Variants in GGT1 observed in about 807,000 individuals in gnomAD.
The protein encoded by GGT1 is gamma-glutamyltransferase 1.
A neutral mutation model predicts 56.0 loss-of-function variants in GGT1; 21 were observed. The ratio of observed to expected loss-of-function variants is 0.38; its 90% confidence interval spans 0.27 to 0.54. The LOEUF (loss-of-function observed/expected upper bound fraction) is 0.54. Among genes scored for constraint, GGT1 ranks in the 20% least tolerant of loss-of-function variants. GGT1 has a pLI of 0.82. For synonymous variants in GGT1, 238 were observed against 342.6 expected, an observed-to-expected ratio of 0.69 and a Z score of 3.37; for missense variants, 466 against 787.0, an observed-to-expected ratio of 0.59 and a Z score of 4.88.
At chr22:24,585,846 G>A in the GGT1 span, 2 of 1,505,784 alleles carry the variant, frequency 1.3e-6, no homozygotes, top group Non-Finnish European at 8.9e-7. Context: ...GTGCTTGAGA[G>A]CATCACAAGT....
At chr22:24,596,771 G>T (rs2045699192) in intron 1 of GGT1, among the ~76,000 whole-genome samples, 2 of 147,662 alleles carry the variant, frequency 1.4e-5, no homozygotes, top group South Asian at 4.3e-4. Context: ...AAATTAGCCT[G>T]GTGTGGTGAC....
intron 11 of GGT1, among the ~76,000 whole-genome samples, chr22:24,626,325 T>A (rs1186162992): frequency 6.1e-4 from 68 of 110,766 alleles, no homozygotes; most frequent in East Asian, 1.6e-3. Context: ...TGAAACTCCC[T>A]TGAGGCATTT....
intron 7 of GGT1, among the ~76,000 whole-genome samples, 172 bp downstream of exon 7, chr22:24,615,299 C>T (rs1405575081): frequency 6.6e-6 from 1 of 152,174 alleles, no homozygotes; most frequent in African/African-American, 2.4e-5. Context: ...ACCATCATCA[C>T]CATGGTAAAG....
At chr22:24,627,773 T>C in intron 12 of GGT1, 79 bp from the exon 13 acceptor site, 1 of 1,557,386 alleles carries the variant, frequency 6.4e-7, no homozygotes. Context: ...TCAGTGAGTA[T>C]GTTTGAGCCT....
At chr22:24,605,923 T>TA (rs2046233731) in intron 1 of GGT1, among the ~76,000 whole-genome samples, 1 of 92,732 alleles carries the variant, frequency 1.1e-5, no homozygotes, top group Non-Finnish European at 1.9e-5. Context: ...ATGATGTGTA[T>TA]TATATATTAT....
At chr22:24,584,783 TC>T in the GGT1 span, among the ~76,000 whole-genome samples, 9 of 151,604 alleles carry the variant, frequency 5.9e-5, no homozygotes, top group African/African-American at 2.2e-4. Context: ...GGCCTCAGTA[TC>T]CCCCCGGACA....
chr22:24,599,365 A>AT (rs2147196112), upstream of GGT1: 1 of 135,982 alleles, frequency 7.4e-6, no homozygotes, highest in Non-Finnish European at 1.6e-5. Context: ...GCCCCACTCC[A>AT]AAAAAAAAAA....
intron 11 of GGT1, chr22:24,627,203 G>A: frequency 8.2e-7 from 1 of 1,218,296 alleles, no homozygotes; most frequent in South Asian, 1.6e-5. Flanking sequence ...AGGGTCTGGA[G>A]GCTGAGGACC....
At chr22:24,614,266 T>C (rs2046893986) in intron 5 of GGT1, among the ~76,000 whole-genome samples, 1 of 145,518 alleles carries the variant, frequency 6.9e-6, no homozygotes, top group African/African-American at 2.6e-5. Context: ...GGAGGGTCAA[T>C]TGAGCCCAGG....
chr22:24,585,219 G>A, the GGT1 span, among the ~76,000 whole-genome samples: 2 of 152,160 alleles, frequency 1.3e-5, no homozygotes, highest in African/African-American at 4.8e-5. Context: ...TCACTTAGTC[G>A]GCTGTGGCCC....
intron 9 of GGT1, among the ~76,000 whole-genome samples, chr22:24,622,599 A>C (rs992867225): frequency 1.3e-5 from 2 of 152,028 alleles, no homozygotes; most frequent in Non-Finnish European, 2.9e-5. Context: ...CACAACAAAA[A>C]AATTAAAATT....
chr22:24,616,885 A>C (rs534707362), intron 7 of GGT1, among the ~76,000 whole-genome samples: 18 of 152,188 alleles, frequency 1.2e-4, no homozygotes, highest in Non-Finnish European at 1.6e-4. Context: ...GAAACTCAGC[A>C]TTTGTAGACA....
chr22:24,592,730 G>C (rs1173587912), upstream of GGT1: 26 of 1,298,080 alleles, frequency 2.0e-5, no homozygotes, highest in Non-Finnish European at 2.4e-5. Flanking sequence ...CCGCCTGCGC[G>C]CGCCAGAGAC....
In GGT1 at chr22:24,607,949, C is replaced by T; in HGVS notation, c.-428-5C>T. On this transcript the variant is annotated splice_polypyrimidine_tract_variant and splice_region_variant and intron_variant, in intron 1 of 15. Coordinates refer to ENST00000400382, the MANE Select transcript of GGT1 (RefSeq NM_001288833.2). Reference sequence around the variant, plus strand: ...AGGCAGACAAGTCTGTCTCTTCCTCCCCAGCGGGTGCAGCCCAGAACTGTC... The same window carrying T: ...AGGCAGACAAGTCTGTCTCTTCCTCTCCAGCGGGTGCAGCCCAGAACTGTC... 2.1e-6 allele frequency: 1 copy of T among 468,206 alleles called. No homozygotes were observed. The highest frequency in any genetic ancestry group is 1.6e-5 in the South Asian group (1 of 64,334). The allele number at this position is 468,206 out of a possible 1,614,324, so 29.0% of individuals were successfully genotyped here.
chr22:24,614,416 G>T (rs1488132053), intron 5 of GGT1, among the ~76,000 whole-genome samples: 1 of 133,054 alleles, frequency 7.5e-6, no homozygotes, highest in Non-Finnish European at 1.6e-5. Flanking sequence ...AAGAGATAGA[G>T]ACCAGCCTGG....
chr22:24,595,241 A>G (rs2045672574), intron 1 of GGT1, among the ~76,000 whole-genome samples: 1 of 152,036 alleles, frequency 6.6e-6, no homozygotes, highest in South Asian at 2.1e-4. Flanking sequence ...CTGGGCCTAG[A>G]TCCTTGGATG....
At chr22:24,608,517 A>G (rs2046460809) in intron 2 of GGT1, among the ~76,000 whole-genome samples, 1 of 152,230 alleles carries the variant, frequency 6.6e-6, no homozygotes, top group Non-Finnish European at 1.5e-5. Context: ...CATGCCCTCC[A>G]GGGCACTCAG....
intron 2 of GGT1, chr22:24,608,951 A>C (rs931176165): frequency 5.9e-5 from 9 of 152,112 alleles, no homozygotes; most frequent in African/African-American, 2.2e-4. Context: ...GAGCCACTGC[A>C]CCCGGCCATG....
At chr22:24,585,137 A>C in the GGT1 span, among the ~76,000 whole-genome samples, 3 of 152,168 alleles carry the variant, frequency 2.0e-5, no homozygotes, top group Non-Finnish European at 4.4e-5. Flanking sequence ...CGCCAAGTAC[A>C]AGAGGCCTGG....
Sources: allele counts gnomAD v4.1 joint callset (sites outside exome capture counted in the v4.1 genomes callset), GRCh38; gene constraint gnomAD v4.1.1; transcripts MANE v1.5; gene names NCBI Gene and HGNC (gene_info 2026-07-23, HGNC 2026-07-21).